The following PCDH15 variants were observed in gnomAD, a reference collection of about 807,000 sequenced individuals.
The protein encoded by PCDH15 is protocadherin related 15.
Under a neutral mutation model 178.5 loss-of-function variants are expected in PCDH15, and 129 were observed. The ratio of observed to expected loss-of-function variants is 0.72; its 90% CI spans 0.63 to 0.84. The LOEUF is 0.84. Ranked by LOEUF, PCDH15 falls within the 40% of genes least tolerant of loss-of-function variation. The pLI is 0.00. For synonymous variants in PCDH15, 800 were observed against 732.0 expected, an observed-to-expected ratio of 1.09 and a Z score of -1.50; for missense variants, 2,230 against 2,099.9, an observed-to-expected ratio of 1.06 and a Z score of -1.21.
At chr10:53,872,837 C>A (rs73238502) in intron 26 of PCDH15, among the ~76,000 whole-genome samples, 1 of 152,148 alleles carries the variant, frequency 6.6e-6, no homozygotes, top group Non-Finnish European at 1.5e-5. Flanking sequence ...AATGTGAGAT[C>A]TCTCAGCTTT....
intron 1 of PCDH15, among the ~76,000 whole-genome samples, chr10:55,235,837 G>A (rs920697818): frequency 1.3e-5 from 2 of 149,966 alleles, no homozygotes; most frequent in Admixed American, 6.7e-5. Flanking sequence ...AACCCGGGAG[G>A]TGGAGGTTGC....
chr10:53,854,780 TCA>T (rs897035731), intron 28 of PCDH15, among the ~76,000 whole-genome samples: 3 of 152,080 alleles, frequency 2.0e-5, no homozygotes, highest in Non-Finnish European at 4.4e-5. Flanking sequence ...ATTATATAAT[TCA>T]GTTTTCAAAA....
chr10:54,572,381 T>C (rs10763117), intron 2 of PCDH15, among the ~76,000 whole-genome samples: 142,480 of 152,142 alleles, frequency 0.94, 66,989 homozygotes, highest in Middle Eastern at 0.98. Flanking sequence ...GACTCCACCT[T>C]GAGTTTGCCT....
At chr10:54,218,404 C>T (rs2052351842) in intron 9 of PCDH15, among the ~76,000 whole-genome samples, 1 of 152,172 alleles carries the variant, frequency 6.6e-6, no homozygotes, top group Admixed American at 6.6e-5. Flanking sequence ...GCCCTTACTC[C>T]CAATGTGACC....
At chr10:55,063,507 C>T (rs190433700) in intron 2 of PCDH15, among the ~76,000 whole-genome samples, 175 of 152,136 alleles carry the variant, frequency 1.2e-3, no homozygotes, top group African/African-American at 4.2e-3. Context: ...AGTTGTAAGG[C>T]ACTAAAGAAT....
chr10:54,610,531 A>G (rs988417506), intron 2 of PCDH15, among the ~76,000 whole-genome samples: 4 of 151,930 alleles, frequency 2.6e-5, no homozygotes, highest in Non-Finnish European at 5.9e-5. Context: ...TCAAAAATCT[A>G]TAGAGTTAAA....
chr10:54,853,316 T>TATATATATAC (rs1554806802), intron 3 of PCDH15, among the ~76,000 whole-genome samples: 2 of 115,138 alleles, frequency 1.7e-5, no homozygotes, highest in African/African-American at 7.2e-5. Context: ...TATATATATA[T>TATATATATAC]ATACATACAC....
intron 3 of PCDH15, among the ~76,000 whole-genome samples, chr10:54,434,252 ATT>A (rs917619594): frequency 1.3e-5 from 2 of 151,952 alleles, no homozygotes; most frequent in African/African-American, 4.8e-5. Flanking sequence ...TGAAGAAAAA[ATT>A]AATAAATTTA....
In PCDH15 at chr10:54,629,584, A is replaced by G. The variant is rs1482551657; in HGVS notation, c.91+34588T>C. ...AAACCTACAACAAACTAGGCATTAA[A>G]CATACCTCAAAATGATAGGAACCAT... On this transcript the variant is annotated intron_variant, in intron 2 of 37. Transcript: ENST00000644397. Among the ~76,000 whole-genome samples the G allele has an allele frequency of 1.3e-5, 2 of 152,114 alleles. 1 individual carries two copies. The highest frequency in any genetic ancestry group is 2.9e-5 in the Non-Finnish European group (2 of 68,000).
intron 2 of PCDH15, among the ~76,000 whole-genome samples, chr10:55,410,844 G>A (rs11004836): frequency 0.22 from 32,990 of 151,972 alleles, 3,807 homozygotes; most frequent in African/African-American, 0.29. Context: ...TGTTCAAGCC[G>A]GTGTTTGCGT....
intron 1 of PCDH15, among the ~76,000 whole-genome samples, chr10:54,722,530 G>T (rs1189730352): frequency 6.7e-6 from 1 of 149,662 alleles, no homozygotes; most frequent in African/African-American, 2.5e-5. Context: ...TATGATCTTT[G>T]CCTGATCTTT....
At chr10:54,651,277 A>T (rs2094254171) in intron 2 of PCDH15, among the ~76,000 whole-genome samples, 1 of 152,196 alleles carries the variant, frequency 6.6e-6, no homozygotes, top group Admixed American at 6.5e-5. Context: ...GTGAGTAAAC[A>T]ATTGGTGTAT....
At chr10:53,809,129 C>G in intron 37 of PCDH15, 1 of 1,613,914 alleles carries the variant, frequency 6.2e-7, no homozygotes, top group Middle Eastern at 1.6e-4. Flanking sequence ...TCTTCTGATT[C>G]AGGGGTGGAA....
At chr10:54,188,113 T>G (rs1211242728) in intron 11 of PCDH15, among the ~76,000 whole-genome samples, 1 of 151,882 alleles carries the variant, frequency 6.6e-6, no homozygotes, top group East Asian at 1.9e-4. Flanking sequence ...AAGAAAGGTG[T>G]ATCAAAGGTT....
At chr10:54,170,518 G>C (rs2046781708) in intron 13 of PCDH15, among the ~76,000 whole-genome samples, 1 of 151,458 alleles carries the variant, frequency 6.6e-6, no homozygotes, top group African/African-American at 2.4e-5. Context: ...CATACCTGAT[G>C]CATATACTTT....
At chr10:54,274,616 TTGTGTGTGTG>T (rs3069673) in intron 8 of PCDH15, among the ~76,000 whole-genome samples, 1,726 of 144,738 alleles carry the variant, frequency 0.012, 38 homozygotes, top group African/African-American at 0.038. Context: ...CTCAGTTTAA[TTGTGTGTGTG>T]TGTGTGTGTG....
At chr10:53,916,994 A>G (rs1190486852) in intron 25 of PCDH15, among the ~76,000 whole-genome samples, 5 of 152,198 alleles carry the variant, frequency 3.3e-5, no homozygotes, top group African/African-American at 1.2e-4. Flanking sequence ...ACTAAATTTT[A>G]AAAGAAAATG....
At chr10:55,413,036 A>T (rs1468311261) in intron 2 of PCDH15, among the ~76,000 whole-genome samples, 1 of 151,820 alleles carries the variant, frequency 6.6e-6, no homozygotes, top group Middle Eastern at 3.2e-3. Context: ...CATCTAACAT[A>T]TGCATCATTA....
At chr10:55,575,909 T>C (rs1413775427) in intron 2 of PCDH15, among the ~76,000 whole-genome samples, 1 of 152,158 alleles carries the variant, frequency 6.6e-6, no homozygotes, top group East Asian at 1.9e-4. Context: ...GAGGCTTGCT[T>C]TGATAGTTGT....
Sources: allele counts gnomAD v4.1 joint callset (sites outside exome capture counted in the v4.1 genomes callset), GRCh38; gene constraint gnomAD v4.1.1; transcripts MANE v1.5; gene names NCBI Gene and HGNC (gene_info 2026-07-23, HGNC 2026-07-21).